The following TMEM260 variants were observed in gnomAD, a reference collection of about 807,000 sequenced individuals.
TMEM260 encodes the protein transmembrane protein 260.
A neutral mutation model predicts 88.9 loss-of-function variants in TMEM260; 82 were observed. That is an observed-to-expected ratio of 0.92 (90% CI 0.77 to 1.11). The LOEUF (loss-of-function observed/expected upper bound fraction) is 1.11, where lower values mean the gene tolerates loss of function less well. Ranked by LOEUF, TMEM260 falls within the 50% of genes least tolerant of loss-of-function variation. TMEM260 has a pLI of 0.00. For missense variants in TMEM260, 902 were observed against 853.4 expected (o/e 1.06, Z -0.71); for synonymous variants, 314 against 309.3 (o/e 1.02, Z -0.16).
At chr14:56,617,128 T>C in intron 8 of TMEM260, 55 bp from the exon 9 acceptor site, 1 of 1,042,970 alleles carries the variant, frequency 9.6e-7, no homozygotes, top group South Asian at 1.8e-5. Context: ...TGTGATATTA[T>C]ATTTGACATT....
At chr14:56,610,915 G>A (rs984619721) in intron 6 of TMEM260, among the ~76,000 whole-genome samples, 1 of 151,158 alleles carries the variant, frequency 6.6e-6, no homozygotes, top group Non-Finnish European at 1.5e-5. Flanking sequence ...ATTTTTGCTG[G>A]AATAGTTTAA....
the TMEM260 span, among the ~76,000 whole-genome samples, chr14:56,658,893 G>A: frequency 2.6e-5 from 4 of 152,060 alleles, no homozygotes; most frequent in African/African-American, 7.2e-5. Flanking sequence ...ACCATGCCCA[G>A]CTAATTTTGT....
At chr14:56,638,575 A>G in intron 15 of TMEM260, among the ~76,000 whole-genome samples, 1 of 152,050 alleles carries the variant, frequency 6.6e-6, no homozygotes, top group East Asian at 1.9e-4. Context: ...TTTTCAGTGA[A>G]TACAGATTAT....
chr14:56,621,247 AG>A (rs1468552405), intron 10 of TMEM260, among the ~76,000 whole-genome samples: 2 of 150,778 alleles, frequency 1.3e-5, no homozygotes, highest in Admixed American at 6.6e-5. Context: ...GATTGCACTT[AG>A]GGGGAAAAAA....
chr14:56,592,286 T>C (rs1231934213), intron 3 of TMEM260, among the ~76,000 whole-genome samples: 1 of 152,220 alleles, frequency 6.6e-6, no homozygotes, highest in African/African-American at 2.4e-5. Context: ...TGGTGATGGC[T>C]TCACAGATGT....
chr14:56,600,870 C>T (rs1465804943), intron 3 of TMEM260, among the ~76,000 whole-genome samples: 1 of 152,156 alleles, frequency 6.6e-6, no homozygotes, highest in Non-Finnish European at 1.5e-5. Flanking sequence ...ATTTCCATTA[C>T]TGGTTTCATA....
chr14:56,584,215 G>C (rs1217447947), intron 1 of TMEM260, among the ~76,000 whole-genome samples: 1 of 152,142 alleles, frequency 6.6e-6, no homozygotes, highest in African/African-American at 2.4e-5. Flanking sequence ...GAAGTGGACA[G>C]TAGTACATTT....
rs1484645098 is a variant in TMEM260 at position 56,585,685 on chromosome 14, T to C, written c.193-76T>C. ...CTTTATAGCTGCTTGAGAAAAGGGC[T>C]ACTTTTCAATTAAGGCCTGTGGGAC... On this transcript the variant is annotated intron_variant, in intron 2 of 15. Coordinates refer to ENST00000261556, the MANE Select transcript of TMEM260 (RefSeq NM_017799.4). 5 of 1,406,228 alleles carry C rather than the reference T, an allele frequency of 3.6e-6. No individual in the cohort carries two copies. The East Asian group carries it at 1.1e-4, about 32-fold the overall frequency. 87.1% of individuals were successfully genotyped at this position (1,406,228 alleles called of 1,614,324 possible). A position where few individuals can be genotyped will look rare whatever the true frequency, so the allele number is the denominator to read the frequency against.
Position 56,601,922 on chromosome 14 carries a change from T to A in TMEM260, c.345-1893T>A, listed in dbSNP as rs143280133. On this transcript the variant is annotated intron_variant, in intron 3 of 15. Coordinates refer to ENST00000261556, the MANE Select transcript of TMEM260 (RefSeq NM_017799.4). ...GACTAATTTTGTGCTAGAGCTACCC[T>A]GGCTCTAGAATCAGCCATTTCTCCA... is the stretch of plus-strand genomic sequence containing the variant. Among the ~76,000 whole-genome samples, 6 of 152,278 alleles carry A rather than the reference T, an allele frequency of 3.9e-5. No individual in the cohort carries two copies. The East Asian group carries it at 1.2e-3, about 29-fold the overall frequency.
At chr14:56,617,660 C>G (rs1201265961) in intron 9 of TMEM260, among the ~76,000 whole-genome samples, 4 of 152,146 alleles carry the variant, frequency 2.6e-5, no homozygotes, top group African/African-American at 9.7e-5. Flanking sequence ...TTATTTCTTA[C>G]CTCCCCAGTC....
the TMEM260 span, among the ~76,000 whole-genome samples, chr14:56,662,415 C>T: frequency 2.0e-5 from 3 of 152,140 alleles, no homozygotes; most frequent in Non-Finnish European, 4.4e-5. Flanking sequence ...AGAACTGCGG[C>T]CTTTCGCAAC....
At chr14:56,650,580 G>A (rs763840046), downstream of TMEM260, 23 of 152,410 alleles carry the variant, frequency 1.5e-4, no homozygotes, top group Admixed American at 5.2e-4. Context: ...TATTTTGAAA[G>A]CTTCAAACAG....
chr14:56,629,399 C>T (rs1437102112), intron 12 of TMEM260, among the ~76,000 whole-genome samples: 2 of 150,424 alleles, frequency 1.3e-5, no homozygotes, highest in Admixed American at 1.3e-4. Flanking sequence ...TCATATAAGT[C>T]TTTTACTTTT....
At chr14:56,626,223 A>T (rs1255975497) in intron 12 of TMEM260, among the ~76,000 whole-genome samples, 1 of 152,230 alleles carries the variant, frequency 6.6e-6, no homozygotes, top group Non-Finnish European at 1.5e-5. Flanking sequence ...ATCCCTTGCT[A>T]AGAACATAAT....
rs777051088 is a variant in TMEM260, at chr14:56,636,595, T to G, written c.1866T>G (p.Tyr622Ter). The change falls in exon 15 of 16, where the codon TAT becomes TAG. Residue 622 changes from tyrosine to a stop codon, truncating the protein, a stop_gained. Coordinates refer to ENST00000261556, the MANE Select transcript of TMEM260 (RefSeq NM_017799.4). LOFTEE classifies it high-confidence loss of function. ...AAGCTCAACTCTACGCTCAAGCATATGACGTATGTTACACTTTTATATGTA... is the reference window on the plus strand; with the variant it reads ...AAGCTCAACTCTACGCTCAAGCATAGGACGTATGTTACACTTTTATATGTA... ...KVKAQLYAQAYDLYKEIVYLQ... is the reference protein window; with the variant it reads ...KVKAQLYAQA The G allele has an allele frequency of 5.6e-6, 9 of 1,613,346 alleles. No homozygotes were observed. The highest frequency in any genetic ancestry group is 5.9e-6 in the Non-Finnish European group (7 of 1,179,446).
intron 8 of TMEM260, among the ~76,000 whole-genome samples, chr14:56,616,482 GTT>G (rs1193704730): frequency 1.3e-5 from 2 of 151,792 alleles, no homozygotes. Context: ...TTTATCTATA[GTT>G]TTGTTTACTT....
intron 1 of TMEM260, 140 bp from the exon 2 acceptor site, chr14:56,584,861 T>A (rs1885385858): frequency 1.6e-6 from 1 of 636,888 alleles, no homozygotes; most frequent in Non-Finnish European, 2.7e-6. Flanking sequence ...GACTATTTCA[T>A]GCTGTTAAAT....
rs4901708 is a variant in TMEM260, at chr14:56,649,421, T to C, written c.*1924T>C. On this transcript the variant is annotated 3_prime_UTR_variant, in exon 16 of 16. Transcript: ENST00000261556. ...TGTAAGGAAGCATTGATAAATTGTC[T>C]AAGTTTATCCATTTGAAAGAAATTG... The C allele has an allele frequency of 0.021, 3,167 of 152,400 alleles. 65 individuals are homozygous for C. The highest frequency in any genetic ancestry group is 0.045 in the East Asian group (233 of 5,186). The allele number at this position is 152,400 out of a possible 1,614,324, so 9.4% of individuals were successfully genotyped here.
chr14:56,647,083 C>T (rs917294667), intron 15 of TMEM260, among the ~76,000 whole-genome samples, 160 bp from the exon 16 acceptor site: 1 of 151,914 alleles, frequency 6.6e-6, no homozygotes, highest in East Asian at 1.9e-4. Context: ...ATTGCAGTAA[C>T]ATTCTTGGGT....
Sources: allele counts gnomAD v4.1 joint callset (sites outside exome capture counted in the v4.1 genomes callset), GRCh38; gene constraint gnomAD v4.1.1; transcripts MANE v1.5; gene names NCBI Gene and HGNC (gene_info 2026-07-23, HGNC 2026-07-21).